Variants in MGAM observed in about 807,000 individuals in gnomAD.
MGAM encodes maltase-glucoamylase.
In MGAM, 253 loss-of-function variants were observed where a neutral mutation model predicts 358.8. That is an observed-to-expected ratio of 0.71 (90% CI 0.64 to 0.78). The LOEUF (loss-of-function observed/expected upper bound fraction) is 0.78. Ranked by LOEUF, MGAM falls within the 30% of genes least tolerant of loss-of-function variation. MGAM has a pLI of 0.00. For missense variants in MGAM, 3,080 were observed against 3,432.6 expected (o/e 0.90, Z 2.57); for synonymous variants, 1,105 against 1,227.1 (o/e 0.90, Z 2.08).
chr7:142,036,205 C>G lies in MGAM; in HGVS notation c.1996C>G (p.Pro666Ala), dbSNP rs781810423. ...CATATGTGGCTTTGCTTTGGACACC[C>G]CTGAGGAGCTCTGTAGGCGGTGGAT... is the stretch of plus-strand genomic sequence containing the variant. ...PDICGFALDT[P>A]EELCRRWMQL... is the part of the protein sequence containing the mutation. Residue 666 changes from proline to alanine, a missense_variant, in exon 17 of 71, where the codon CCT becomes GCT. Physicochemically the swap from Pro to Ala is conservative, Grantham distance 27. This residue lies in a region of MGAM where 1,816 missense variants were observed against 1,840.5 expected (regional missense o/e 0.99). Coordinates refer to ENST00000475668, the MANE Select transcript of MGAM (RefSeq NM_001365693.1). 1.1e-5 allele frequency: 18 copies of G among 1,612,306 alleles called. No homozygotes were observed. Among genetic ancestry groups the G allele is most frequent in the East Asian group, 2.2e-5 (1 of 44,738 alleles).
chr7:142,092,095 G>C, intron 58 of MGAM, 48 bp downstream of exon 58: 1 of 1,533,330 alleles, frequency 6.5e-7, no homozygotes, highest in East Asian at 2.3e-5. Context: ...GTCTATCTTT[G>C]TGTGCCTACG....
intron 8 of MGAM, among the ~76,000 whole-genome samples, chr7:142,025,416 C>A (rs962438589): frequency 1.3e-5 from 2 of 151,420 alleles, no homozygotes; most frequent in African/African-American, 4.9e-5. Flanking sequence ...AGGAGCTCAC[C>A]CTTCCCTATA....
rs1175264207 is a variant in MGAM, at chr7:142,043,592, A to G, written c.2498+2746A>G. ...TATACATATGATATCTAAATATATA[A>G]TATATACATATAATATCTAATATAT... On this transcript the variant is annotated intron_variant, in intron 21 of 70. Transcript: ENST00000475668. 1.6e-5 allele frequency among the ~76,000 whole-genome samples: 2 copies of G among 125,066 alleles called. 1 individual carries two copies. The highest frequency in any genetic ancestry group is 3.1e-5 in the Non-Finnish European group (2 of 63,834). The allele number at this position is 125,066 out of a possible 152,430, so 82.0% of individuals were successfully genotyped here.
chr7:142,076,950 T>G lies in MGAM; in HGVS notation c.5493+124T>G, dbSNP rs13310384. 278 of 1,111,082 alleles carry G rather than the reference T, an allele frequency of 2.5e-4. 14 individuals carry two copies. Among genetic ancestry groups the G allele is most frequent in the Middle Eastern group, 1.8e-3 (9 of 4,952 alleles). 68.8% of individuals were successfully genotyped at this position (1,111,082 alleles called of 1,614,324 possible). On this transcript the variant is annotated intron_variant, in intron 47 of 70. Transcript: ENST00000475668. ...CACCTTTGATGCATGTTTTGGGGAA[T>G]TGAGAGGGCACCTTTGATGCCTTTT...
chr7:142,086,250 C>G lies in MGAM; in HGVS notation c.6669C>G (p.Pro2223=), dbSNP rs761051938. The G allele has an allele frequency of 5.2e-5, 81 of 1,543,498 alleles. 19 individuals carry two copies. The highest frequency in any genetic ancestry group is 7.1e-5 in the Non-Finnish European group (80 of 1,125,622). Residue 2223 remains proline, a synonymous_variant, in exon 56 of 71, where the codon CCC becomes CCG. Transcript: ENST00000475668. ...CCATTTCTGGCAATGAGACACAGCC[C>G]TATCCTGCCTTCACTCGGGGCGTGG... ...DPAISGNETQ[P]YPAFTRGVED...
intron 53 of MGAM, 131 bp from the exon 54 acceptor site, chr7:142,084,388 T>C: frequency 1.8e-6 from 2 of 1,104,130 alleles, no homozygotes; most frequent in Non-Finnish European, 2.6e-6. Context: ...CTATATCCTG[T>C]CAGTTTTGAT....
intron 17 of MGAM, 53 bp from the exon 18 acceptor site, chr7:142,036,770 G>C (rs1808029256): frequency 1.3e-6 from 2 of 1,552,464 alleles, no homozygotes; most frequent in East Asian, 4.5e-5. Context: ...TTCTGCAGGT[G>C]CTTCTGCTAT....
chr7:142,055,116 A>G (rs1438625077), intron 27 of MGAM, among the ~76,000 whole-genome samples: 1 of 152,220 alleles, frequency 6.6e-6, no homozygotes, highest in Non-Finnish European at 1.5e-5. Context: ...CTGAGGATTC[A>G]TCCAACAAAT....
intron 6 of MGAM, among the ~76,000 whole-genome samples, chr7:142,021,951 A>G (rs996546528): frequency 1.3e-5 from 2 of 149,374 alleles, no homozygotes; most frequent in African/African-American, 2.5e-5. Flanking sequence ...TTTTCCCTTT[A>G]TTTCCCTCCG....
chr7:142,020,893 C>A, intron 4 of MGAM, 81 bp from the exon 5 acceptor site: 2 of 982,220 alleles, frequency 2.0e-6, no homozygotes, highest in Non-Finnish European at 3.2e-6. Flanking sequence ...CACCCAGCCC[C>A]GTGTATCATA....
intron 42 of MGAM, among the ~76,000 whole-genome samples, 185 bp from the exon 43 acceptor site, chr7:142,068,462 G>A (rs1813038335): frequency 1.4e-5 from 2 of 145,298 alleles, no homozygotes; most frequent in South Asian, 4.4e-4. Context: ...CACTTGTTTT[G>A]GGTAGACAAA....
chr7:142,085,023 A>T lies in MGAM; in HGVS notation c.6507+379A>T, dbSNP rs1814629581. 3.4e-5 allele frequency among the ~76,000 whole-genome samples: 5 copies of T among 146,620 alleles called. No homozygotes were observed. The Admixed American group carries it at 3.4e-4, about 10-fold the overall frequency. ...TCCTGAAAAAAACTAACCCCAAACC[A>T]TCAGACCATTGTATATGTGGATACG... is the stretch of plus-strand genomic sequence containing the variant. On this transcript the variant is annotated intron_variant, in intron 54 of 70. Transcript: ENST00000475668.
chr7:142,068,835 A>C, intron 43 of MGAM, 132 bp downstream of exon 43: 1 of 778,798 alleles, frequency 1.3e-6, no homozygotes, highest in South Asian at 1.6e-5. Context: ...AGCCACTTTA[A>C]CCCTTGTAAT....
rs1584925708 is a variant in MGAM, at chr7:142,019,240, A to G, written c.369A>G (p.Gly123=). 6.2e-7 allele frequency: 1 copy of G among 1,613,656 alleles called. No individual in the cohort carries two copies. Among genetic ancestry groups the G allele is most frequent in the Non-Finnish European group, 8.5e-7 (1 of 1,179,688 alleles). The change falls in exon 4 of 71, where the codon GGA becomes GGG. Residue 123 remains glycine (G), a synonymous_variant. Coordinates refer to ENST00000475668, the MANE Select transcript of MGAM (RefSeq NM_001365693.1). ...DQRGCCWNPQ[G]AVSVPWCYYS... ...GTGGCTGTTGCTGGAATCCCCAGGG[A>G]GCTGTAAGTGTTCCCTGGTGCTACT...
chr7:142,024,991 A>C, intron 7 of MGAM, 59 bp from the exon 8 acceptor site: 1 of 1,240,710 alleles, frequency 8.1e-7, no homozygotes, highest in Non-Finnish European at 1.2e-6. Flanking sequence ...AACCAACCCC[A>C]CAGTGTGATG....
In MGAM at chr7:142,068,853, T is replaced by A; in HGVS notation, c.5061+150T>A. ...CACTTTAACCCTTGTAATCTCAGTT[T>A]TCTCACCTCCAAGTGGGGTAAGACC... On this transcript the variant is annotated intron_variant, in intron 43 of 70. Transcript: ENST00000475668. 2.9e-6 allele frequency: 2 copies of A among 691,734 alleles called. 1 individual carries two copies. The highest frequency in any genetic ancestry group is 4.9e-6 in the Non-Finnish European group (2 of 410,382). 42.8% of individuals were successfully genotyped at this position (691,734 alleles called of 1,614,324 possible). A position where few individuals can be genotyped will look rare whatever the true frequency, so the allele number is the denominator to read the frequency against.
At chr7:142,070,434 A>C (rs1327802639) in intron 43 of MGAM, among the ~76,000 whole-genome samples, 1 of 146,116 alleles carries the variant, frequency 6.8e-6, no homozygotes, top group Admixed American at 6.9e-5. Context: ...GCTTGTTGTC[A>C]ACAATAACTG....
chr7:142,040,722 G>C lies in MGAM; in HGVS notation c.2374G>C (p.Gly792Arg). Residue 792 changes from glycine to arginine, a missense_variant and splice_region_variant, in exon 21 of 71, where the codon GGG (glycine) becomes CGG (arginine). Gly to Arg is a moderately radical substitution (Grantham distance 125). This residue lies in a region of MGAM where 1,816 missense variants were observed against 1,840.5 expected (regional missense o/e 0.99). Coordinates refer to ENST00000475668, the MANE Select transcript of MGAM (RefSeq NM_001365693.1). ...TGTTTGATTTATCTGCATGCATCAG[G>C]GGAGCCAAGTGAGATGGAGGAAGCA... Reference protein sequence around the residue: ...PDAVWYDYETGSQVRWRKQKV... With the variant: ...PDAVWYDYETRSQVRWRKQKV... The C allele has an allele frequency of 6.2e-7, 1 of 1,612,858 alleles. No individual in the cohort carries two copies. The highest frequency in any genetic ancestry group is 8.5e-7 in the Non-Finnish European group (1 of 1,179,362).
intron 67 of MGAM, 92 bp downstream of exon 67, chr7:142,099,829 C>A: frequency 1.3e-6 from 2 of 1,520,094 alleles, no homozygotes; most frequent in South Asian, 1.2e-5. Context: ...ACTCTCAAAC[C>A]CACATGCAAT....
Sources: gnomAD v4.1 joint callset for allele counts (sites outside exome capture counted in the v4.1 genomes callset) on GRCh38, gnomAD v4.1.1 for gene constraint, gnomAD v4.1.1 regional missense constraint, MANE v1.5 for transcripts, NCBI Gene and HGNC (gene_info 2026-07-23, HGNC 2026-07-21) for gene names.